Variants in STAT6 observed in about 807,000 individuals in gnomAD.
The protein encoded by STAT6 is signal transducer and activator of transcription 6.
STAT6 carries 45 observed loss-of-function variants against 106.3 expected under a neutral mutation model. The ratio of observed to expected loss-of-function variants is 0.42; its 90% CI spans 0.33 to 0.54. The LOEUF is 0.54. Ranked by LOEUF, STAT6 falls within the 20% of genes least tolerant of loss-of-function variation. The pLI is 0.06. For missense variants in STAT6, 797 were observed against 1,062.2 expected, an observed-to-expected ratio of 0.75 and a Z score of 3.47; for synonymous variants, 413 against 413.6, an observed-to-expected ratio of 1.00 and a Z score of 0.02.
At position 57,106,547 on chromosome 12, in the gene STAT6, T is replaced by A. The variant is rs112857699; in HGVS notation, c.512A>T (p.Asn171Ile). The change falls in exon 6 of 22, where the codon AAT becomes ATT. Residue 171 changes from asparagine to isoleucine, a missense_variant. By Grantham distance (149) the Asn-to-Ile change is moderately radical (BLOSUM62 -3). This residue lies in a region of STAT6 where 336 missense variants were observed against 429.8 expected (regional missense o/e 0.78). Transcript: ENST00000300134. The stretch of plus-strand genomic sequence containing the variant: ...ACTCACCTCACTTGGCCCAGTCCCA[T>A]TAGCAGGAGTTTCTATCAAGCTGTG... ...SLHSLIETPA[N>I]GTGPSEALAM... The A allele has an allele frequency of 6.2e-7, 1 of 1,614,078 alleles. No individual in the cohort carries two copies. Among genetic ancestry groups the A allele is most frequent in the Non-Finnish European group, 8.5e-7 (1 of 1,180,052 alleles).
intron 1 of STAT6, chr12:57,110,072 C>G (rs1344804285): frequency 6.6e-6 from 1 of 152,330 alleles, no homozygotes; most frequent in Non-Finnish European, 1.5e-5. Flanking sequence ...AGGCAGAATC[C>G]TTACCCCTCC....
rs71758623 is a variant in STAT6 at position 57,100,706 on chromosome 12, GAAAGAA to G, written c.1513-622_1513-617del. 327 of 45,870 alleles carry G rather than the reference GAAAGAA, an allele frequency of 7.1e-3. 1 individual carries two copies. Among genetic ancestry groups the G allele is most frequent in the Middle Eastern group, 0.01 (1 of 98 alleles). The allele number at this position is 45,870 out of a possible 1,614,324, so 2.8% of individuals were successfully genotyped here. On this transcript the variant is annotated intron_variant, in intron 13 of 21. Transcript: ENST00000300134. ...AAAGAAAGAAAGAAAGAAAGAGAAAGAAAGAAAGAAAGAAAGAAAGAAAGAAAGAAA... is the reference window on the plus strand; with the variant it reads ...AAAGAAAGAAAGAAAGAAAGAGAAAGAGAAAGAAAGAAAGAAAGAAAGAAA...
At chr12:57,104,698 C>A (rs773875802) in intron 10 of STAT6, 28 bp downstream of exon 10, 1 of 1,613,960 alleles carries the variant, frequency 6.2e-7, no homozygotes, top group South Asian at 1.1e-5. Flanking sequence ...TAGTGGTGCC[C>A]CCCTCACTGC....
chr12:57,106,767 C>A lies in STAT6; in HGVS notation c.404G>T (p.Arg135Leu). ...CTCCCCTACTCGGTGCTGCAGCCTC[C>A]GCAAGCCTGTCTTAAACTTGAGTTC... ...QEELKFKTGL[R>L]RLQHRVGEIH... Residue 135 changes from arginine (R) to leucine (L), a missense_variant, in exon 5 of 22, where the codon CGG becomes CTG. Physicochemically the swap from Arg to Leu is moderately radical, Grantham distance 102 (BLOSUM62 -2). Transcript: ENST00000300134. 1.2e-6 allele frequency: 2 copies of A among 1,614,078 alleles called. No individual in the cohort carries two copies. The highest frequency in any genetic ancestry group is 1.7e-5 in the Admixed American group (1 of 60,032).
In STAT6 at chr12:57,100,119, C is replaced by T. The variant is rs750994868; in HGVS notation, c.1513-29G>A. 50 of 1,559,654 alleles carry T rather than the reference C, an allele frequency of 3.2e-5. No homozygotes were observed. The South Asian group carries it at 4.6e-4, about 14-fold the overall frequency. ...GGGGGAGAGGGGGAAAGGTGTGAGC[C>T]GAGGGAGGGCCAGAGCTGGAGCCTG... On this transcript the variant is annotated intron_variant, in intron 13 of 21. Transcript: ENST00000300134.
chr12:57,105,495 T>C lies in STAT6; in HGVS notation c.785A>G (p.Asp262Gly). The change falls in exon 8 of 22, where the codon GAT becomes GGT. Residue 262 changes from aspartate (D) to glycine (G), a missense_variant. Around this residue, in one of 4 missense-constraint regions of STAT6, gnomAD observed 336 missense variants for 429.8 expected, o/e 0.78. Coordinates refer to ENST00000300134, the MANE Select transcript of STAT6 (RefSeq NM_003153.5). The part of the protein sequence containing the change: ...KTRASLTGRL[D>G]EVLRTLVTSC... ...GGTGACGAGGGTTCTCAGGACTTCA[T>C]CCAGCCGGCCAGTCAGCGATGCCCG... The C allele has an allele frequency of 1.2e-6, 2 of 1,614,002 alleles. No homozygotes were observed. The highest frequency in any genetic ancestry group is 1.7e-6 in the Non-Finnish European group (2 of 1,179,956).
intron 13 of STAT6, among the ~76,000 whole-genome samples, chr12:57,101,184 G>C (rs1253044614): frequency 3.3e-5 from 5 of 151,852 alleles, no homozygotes; most frequent in Admixed American, 3.3e-4. Flanking sequence ...TGCCTCCCAG[G>C]TTCAAGTGAT....
Position 57,099,429 on chromosome 12 carries a change from T to A in STAT6, c.1756A>T (p.Ile586Leu). The A allele has an allele frequency of 6.2e-7, 1 of 1,614,160 alleles. No homozygotes were observed. Among genetic ancestry groups the A allele is most frequent in the Non-Finnish European group, 8.5e-7 (1 of 1,180,024 alleles). ...GCAGAGAATGGCTGGATGTTCTCTA[T>A]CTGTGGAGAGCCTATGGTAGGAAGG... is the stretch of plus-strand genomic sequence containing the variant. ...VIRGQDGSPQIENIQPFSAKD... is the reference protein window; with the variant it reads ...VIRGQDGSPQLENIQPFSAKD... The change falls in exon 16 of 22, where the codon ATA (isoleucine) becomes TTA (leucine). Residue 586 changes from isoleucine to leucine, a missense_variant. By Grantham distance (5) the Ile-to-Leu change is conservative (BLOSUM62 2). Transcript: ENST00000300134. This position sits in a 1 kb window ranked among gnomAD's most constrained non-coding sequence, Gnocchi z 4.7.
At chr12:57,106,439 C>T in intron 6 of STAT6, 89 bp downstream of exon 6, 3 of 1,606,960 alleles carry the variant, frequency 1.9e-6, no homozygotes, top group Non-Finnish European at 2.6e-6. Flanking sequence ...TTCCCTTGCC[C>T]TACTTCAGCC....
rs913382705 is a variant in STAT6, at chr12:57,102,394, G to A, written c.1408C>T (p.Leu470Phe). The A allele has an allele frequency of 1.2e-6, 2 of 1,614,180 alleles. No individual in the cohort carries two copies. Among genetic ancestry groups the A allele is most frequent in the East Asian group, 2.2e-5 (1 of 44,874 alleles). ...GCCAGGAAGAGGAAGTGCTCTGGGA[G>A]CAGCCCCCGGTTGGTCCCCACCTCA... ...MAEVGTNRGL[L>F]PEHFLFLAQK... The change falls in exon 13 of 22, where the codon CTC becomes TTC. Residue 470 changes from leucine to phenylalanine, a missense_variant. Physicochemically the swap from Leu to Phe is conservative, Grantham distance 22 (BLOSUM62 0). This residue lies in a region of STAT6 where 222 missense variants were observed against 354.6 expected (regional missense o/e 0.63). Transcript: ENST00000300134.
intron 9 of STAT6, 26 bp from the exon 10 acceptor site, chr12:57,104,839 C>T (rs576686995): frequency 3.7e-5 from 59 of 1,613,144 alleles, no homozygotes; most frequent in African/African-American, 9.3e-5. Flanking sequence ...AGAGTGTGAA[C>T]GAGCTCATCT....
chr12:57,098,561 G>C lies in STAT6; in HGVS notation c.2103C>G (p.Pro701=), dbSNP rs757485322. The C allele has an allele frequency of 6.2e-7, 1 of 1,614,148 alleles. No individual in the cohort carries two copies. The highest frequency in any genetic ancestry group is 1.1e-5 in the South Asian group (1 of 91,086). Residue 701 remains proline, a synonymous_variant, in exon 19 of 22, where the codon CCC becomes CCG. Transcript: ENST00000300134. ...QVYPPHSHSI[P]PYQGLSPEES... The stretch of plus-strand genomic sequence containing the variant: ...CTTCTGGGGAGAGGCCTTGATACGG[G>C]GGGATGGAGTGAGAGTGTGGTGGGT...
At position 57,104,706 on chromosome 12, in the gene STAT6, T is replaced by C; in HGVS notation, c.1089+20A>G. On this transcript the variant is annotated intron_variant, in intron 10 of 21. Transcript: ENST00000300134. ...AGTCTCCTAGTGGTGCCCCCCTCAC[T>C]GCACCCCAAAGCCCCTCACCAGGTT... 6.2e-7 allele frequency: 1 copy of C among 1,614,028 alleles called. No individual in the cohort carries two copies. The highest frequency in any genetic ancestry group is 8.5e-7 in the Non-Finnish European group (1 of 1,179,954).
At chr12:57,105,813 G>A (rs2034238453) in intron 7 of STAT6, 3 of 842,754 alleles carry the variant, frequency 3.6e-6, no homozygotes, top group East Asian at 2.8e-5. Context: ...TACACCCCCT[G>A]TGGAAACCCA....
At chr12:57,100,706 GAAAGAAAGAAAGAA>G (rs1565684759) in intron 13 of STAT6, 315 of 45,868 alleles carry the variant, frequency 6.9e-3, no homozygotes, top group South Asian at 0.011. Flanking sequence ...GAAAGAGAAA[GAAAGAAAGAAAGAA>G]AGAAAGAAAG....
chr12:57,100,193 G>C, intron 13 of STAT6, 103 bp from the exon 14 acceptor site: 1 of 993,646 alleles, frequency 1.0e-6, no homozygotes, highest in Admixed American at 2.0e-5. Flanking sequence ...GAATCACAGG[G>C]CTGAGGATCA....
rs1346218349 is a variant in STAT6 at position 57,100,732 on chromosome 12, AAGAAAG to A, written c.1513-648_1513-643del. On this transcript the variant is annotated intron_variant, in intron 13 of 21. Transcript: ENST00000300134. ...AAAGAAAGAAAGAAAGAAAGAAAGA[AAGAAAG>A]AAAGAAAGAAAAGAAAAAAAAACCA... 30 of 241,936 alleles carry A rather than the reference AAGAAAG, an allele frequency of 1.2e-4. 1 individual carries two copies. The highest frequency in any genetic ancestry group is 5.5e-4 in the African/African-American group (23 of 41,720). 15.0% of individuals were successfully genotyped at this position (241,936 alleles called of 1,614,324 possible). A position where few individuals can be genotyped will look rare whatever the true frequency, so the allele number is the denominator to read the frequency against.
chr12:57,097,012 G>A (rs754956782), intron 20 of STAT6, 34 bp from the exon 21 acceptor site: 15 of 1,606,080 alleles, frequency 9.3e-6, no homozygotes, highest in East Asian at 4.5e-5. Context: ...TAAGGAGAGC[G>A]GGGCAAGGCC....
chr12:57,106,608 T>C (rs764233677), intron 5 of STAT6, 28 bp from the exon 6 acceptor site: 3 of 1,613,774 alleles, frequency 1.9e-6, no homozygotes, highest in African/African-American at 1.3e-5. Context: ...AAATCAAGGG[T>C]GCAGACAGAT....
Sources: allele counts gnomAD v4.1 joint callset (sites outside exome capture counted in the v4.1 genomes callset), GRCh38; gene constraint gnomAD v4.1.1; regional missense constraint gnomAD v4.1.1; non-coding constraint Gnocchi (gnomAD v3.1); transcripts MANE v1.5; gene names NCBI Gene and HGNC (gene_info 2026-07-23, HGNC 2026-07-21).